Variants in MALRD1 observed in about 807,000 individuals in gnomAD.
MALRD1 encodes MAM and LDL-receptor class A domain-containing protein 1.
MALRD1 carries 247 observed loss-of-function variants against 242.1 expected under a neutral mutation model. The ratio of observed to expected loss-of-function variants is 1.02; its 90% confidence interval spans 0.92 to 1.13. The LOEUF is 1.13. MALRD1 is among the 50% of genes most tolerant of loss of function. The probability of loss-of-function intolerance (pLI) is 0.00; values close to 1 mark genes in which losing one functional copy is unlikely to be tolerated. For synonymous variants in MALRD1, 995 were observed against 866.6 expected (o/e 1.15, Z -2.60); for missense variants, 2,989 against 2,533.1 (o/e 1.18, Z -3.86).
At chr10:19,371,682 A>T (rs1351304218) in intron 26 of MALRD1, among the ~76,000 whole-genome samples, 1 of 152,218 alleles carries the variant, frequency 6.6e-6, no homozygotes, top group Admixed American at 6.5e-5. Context: ...TATTTCTGAA[A>T]GGCATTGTTC....
At chr10:19,540,489 A>C (rs1834917015) in intron 32 of MALRD1, among the ~76,000 whole-genome samples, 1 of 152,210 alleles carries the variant, frequency 6.6e-6, no homozygotes, top group Non-Finnish European at 1.5e-5. Flanking sequence ...AATATGGTGC[A>C]TAAAGAGTTT....
intron 18 of MALRD1, among the ~76,000 whole-genome samples, chr10:19,247,194 C>T (rs1351422044): frequency 6.6e-6 from 1 of 151,962 alleles, no homozygotes; most frequent in Non-Finnish European, 1.5e-5. Context: ...AGCCAAAGGG[C>T]TTGTTGGTTG....
intron 29 of MALRD1, among the ~76,000 whole-genome samples, chr10:19,452,588 G>T (rs1415247759): frequency 2.0e-5 from 3 of 152,146 alleles, no homozygotes; most frequent in Non-Finnish European, 4.4e-5. Context: ...TTGTTTTTCA[G>T]TTAAGATAGA....
chr10:19,733,192 G>T (rs1835364158), intron 39 of MALRD1, among the ~76,000 whole-genome samples: 1 of 152,058 alleles, frequency 6.6e-6, no homozygotes, highest in African/African-American at 2.4e-5. Context: ...ACATTCGTTG[G>T]CAATTCATGC....
At chr10:19,548,975 A>T (rs1380197900) in intron 32 of MALRD1, among the ~76,000 whole-genome samples, 1 of 152,196 alleles carries the variant, frequency 6.6e-6, no homozygotes, top group Non-Finnish European at 1.5e-5. Flanking sequence ...TTCGTGAAGG[A>T]AGTTAAAAGT....
intron 29 of MALRD1, 153 bp from the exon 30 acceptor site, chr10:19,491,364 G>A: frequency 1.1e-6 from 1 of 893,438 alleles, no homozygotes; most frequent in Admixed American, 2.2e-5. Flanking sequence ...AGGTGGGACT[G>A]AGAAAGAGGA....
intron 31 of MALRD1, among the ~76,000 whole-genome samples, chr10:19,530,429 A>ATTATTT (rs1564417489): frequency 5.1e-5 from 1 of 19,604 alleles, no homozygotes; most frequent in Non-Finnish European, 3.4e-4. Flanking sequence ...ATAAATATAT[A>ATTATTT]ATATATATAA....
At chr10:19,111,867 G>A (rs1301297694) in intron 5 of MALRD1, among the ~76,000 whole-genome samples, 2 of 152,174 alleles carry the variant, frequency 1.3e-5, no homozygotes, top group African/African-American at 4.8e-5. Flanking sequence ...AAACACAGCA[G>A]CATGAAGATT....
chr10:19,203,694 G>A, intron 14 of MALRD1, 34 bp from the exon 15 acceptor site: 2 of 1,491,572 alleles, frequency 1.3e-6, no homozygotes, highest in Non-Finnish European at 1.8e-6. Context: ...GCAGTTTGGA[G>A]AGCCAACATA....
At chr10:19,468,788 C>G (rs781205799) in intron 29 of MALRD1, among the ~76,000 whole-genome samples, 2 of 152,022 alleles carry the variant, frequency 1.3e-5, no homozygotes, top group South Asian at 4.1e-4. Flanking sequence ...CAGAAATACA[C>G]TCCTTGTTTA....
intron 31 of MALRD1, among the ~76,000 whole-genome samples, chr10:19,524,155 C>A (rs1246549039): frequency 2.6e-5 from 4 of 152,062 alleles, no homozygotes. Flanking sequence ...CTCTCGCTGG[C>A]CATATTTACA....
At chr10:19,699,689 T>C (rs1291863910) in intron 38 of MALRD1, among the ~76,000 whole-genome samples, 1 of 152,124 alleles carries the variant, frequency 6.6e-6, no homozygotes. Context: ...CTGGGTAGGC[T>C]TCAGGAGGCT....
chr10:19,341,501 T>C (rs894174628), intron 24 of MALRD1, among the ~76,000 whole-genome samples: 15 of 142,950 alleles, frequency 1.0e-4, no homozygotes, highest in Admixed American at 4.2e-4. Context: ...TATGTATATA[T>C]GTATATATAT....
At chr10:19,209,787 A>G in intron 18 of MALRD1, 107 bp downstream of exon 18, 1 of 1,141,558 alleles carries the variant, frequency 8.8e-7, no homozygotes, top group Non-Finnish European at 1.2e-6. Context: ...ATTTGATCAA[A>G]GTTACATTGA....
At chr10:19,386,426 A>AAG (rs1554761108) in intron 26 of MALRD1, among the ~76,000 whole-genome samples, 14,227 of 151,060 alleles carry the variant, frequency 0.094, 882 homozygotes, top group East Asian at 0.17. Context: ...GAAAAAAAAA[A>AAG]TGTCAGATCC....
At chr10:19,323,296 A>G (rs1588908878) in intron 21 of MALRD1, among the ~76,000 whole-genome samples, 1 of 152,100 alleles carries the variant, frequency 6.6e-6, no homozygotes, top group South Asian at 2.1e-4. Context: ...TCTAAAGGCA[A>G]TCAGTGCTTT....
At chr10:19,499,295 TA>T (rs1267138942) in intron 31 of MALRD1, among the ~76,000 whole-genome samples, 4 of 152,098 alleles carry the variant, frequency 2.6e-5, no homozygotes, top group African/African-American at 7.2e-5. Flanking sequence ...TTATTAGGGA[TA>T]AAAAAATATC....
intron 4 of MALRD1, among the ~76,000 whole-genome samples, chr10:19,099,968 C>G (rs1419618616): frequency 2.0e-5 from 3 of 152,050 alleles, no homozygotes; most frequent in Non-Finnish European, 4.4e-5. Context: ...GCCATGTTGG[C>G]CAGGTTAGTC....
chr10:19,553,068 G>A (rs1470057397), intron 32 of MALRD1, among the ~76,000 whole-genome samples: 1 of 152,040 alleles, frequency 6.6e-6, no homozygotes, highest in Non-Finnish European at 1.5e-5. Flanking sequence ...TACTAGAAAT[G>A]AATGTTTAAA....
Sources: gnomAD v4.1 joint callset for allele counts (sites outside exome capture counted in the v4.1 genomes callset) on GRCh38, gnomAD v4.1.1 for gene constraint, MANE v1.5 for transcripts, NCBI Gene and HGNC (gene_info 2026-07-23, HGNC 2026-07-21) for gene names.